GPLD1: variants seen among roughly 807,000 people sequenced by gnomAD.
GPLD1 encodes the protein phosphatidylinositol-glycan-specific phospholipase D.
GPLD1 carries 84 observed loss-of-function variants against 112.6 expected under a neutral mutation model. The ratio of observed to expected loss-of-function variants is 0.75; its 90% CI spans 0.63 to 0.89. GPLD1 has a LOEUF of 0.89. Ranked by LOEUF, GPLD1 falls within the 40% of genes least tolerant of loss-of-function variation. The probability of loss-of-function intolerance (pLI) is 0.00; values close to 1 mark genes in which losing one functional copy is unlikely to be tolerated. For missense variants in GPLD1, 1,044 were observed against 1,051.5 expected (o/e 0.99, Z 0.10); for synonymous variants, 386 against 403.8 (o/e 0.96, Z 0.53).
chr6:24,471,165 G>A (rs9358768), intron 7 of GPLD1, among the ~76,000 whole-genome samples: 33,056 of 152,020 alleles, frequency 0.22, 4,509 homozygotes, highest in Non-Finnish European at 0.31. Context: ...ATATCAGAAA[G>A]CCCAGAAACT....
rs184485630 is a variant in GPLD1, at chr6:24,428,786, T to C, written c.*246A>G. On this transcript the variant is annotated 3_prime_UTR_variant, in exon 25 of 25. Coordinates refer to ENST00000230036, the MANE Select transcript of GPLD1 (RefSeq NM_001503.4). ...ATGCAAAGGGAGCGAGGAAGTAAACTGTGGAAGGAGACATGAGTAAGCAGA... is the reference window on the plus strand; with the variant it reads ...ATGCAAAGGGAGCGAGGAAGTAAACCGTGGAAGGAGACATGAGTAAGCAGA... 123 of 362,568 alleles carry C rather than the reference T, an allele frequency of 3.4e-4. No individual in the cohort carries two copies. The highest frequency in any genetic ancestry group is 5.7e-4 in the Non-Finnish European group (115 of 202,370). 22.5% of individuals were successfully genotyped at this position (362,568 alleles called of 1,614,324 possible). A position where few individuals can be genotyped will look rare whatever the true frequency, so the allele number is the denominator to read the frequency against.
At chr6:24,453,311 T>C (rs1458111539) in intron 14 of GPLD1, among the ~76,000 whole-genome samples, 4 of 152,178 alleles carry the variant, frequency 2.6e-5, no homozygotes, top group Admixed American at 6.5e-5. Context: ...ACATGGGAAC[T>C]CTTTGTACTG....
chr6:24,446,364 G>C (rs1298602115), intron 18 of GPLD1, among the ~76,000 whole-genome samples: 1 of 150,506 alleles, frequency 6.6e-6, no homozygotes, highest in Non-Finnish European at 1.5e-5. Context: ...AAAAAAATTA[G>C]CTAGGCATGG....
At chr6:24,452,116 T>C (rs1305728039) in intron 14 of GPLD1, among the ~76,000 whole-genome samples, 1 of 152,192 alleles carries the variant, frequency 6.6e-6, no homozygotes, top group African/African-American at 2.4e-5. Context: ...TTTGAAATGA[T>C]CAAAGGTCAC....
intron 24 of GPLD1, among the ~76,000 whole-genome samples, chr6:24,432,836 G>A (rs1037866700): frequency 6.6e-6 from 1 of 152,196 alleles, no homozygotes; most frequent in Non-Finnish European, 1.5e-5. Context: ...CACTACAGCT[G>A]TGTGGGCGCT....
At chr6:24,432,694 A>G (rs1488374132) in intron 24 of GPLD1, among the ~76,000 whole-genome samples, 1 of 152,238 alleles carries the variant, frequency 6.6e-6, no homozygotes, top group Non-Finnish European at 1.5e-5. Context: ...CCAGCAAACA[A>G]TTTTGGAGAA....
At chr6:24,489,660 G>A (rs561042898), upstream of GPLD1, 112 of 1,342,364 alleles carry the variant, frequency 8.3e-5, no homozygotes, top group Middle Eastern at 8.0e-4. Context: ...AAATAATATC[G>A]TTTTCCAATG....
intron 13 of GPLD1, among the ~76,000 whole-genome samples, chr6:24,455,515 G>A (rs1763237719): frequency 6.6e-6 from 1 of 152,134 alleles, no homozygotes; most frequent in African/African-American, 2.4e-5. Flanking sequence ...GGTTAGTTTT[G>A]TATGTTGTTG....
At position 24,427,644 on chromosome 6, in the gene GPLD1, G is replaced by A. The variant is rs530109084; in HGVS notation, c.*1388C>T. ...GTGGATCACCTGAGATCAGGAGTTCGAGACCAGCCTGGCCAACATGGTGAA... is the reference window on the plus strand; with the variant it reads ...GTGGATCACCTGAGATCAGGAGTTCAAGACCAGCCTGGCCAACATGGTGAA... On this transcript the variant is annotated 3_prime_UTR_variant, in exon 25 of 25. Coordinates refer to ENST00000230036, the MANE Select transcript of GPLD1 (RefSeq NM_001503.4). 3.9e-5 allele frequency among the ~76,000 whole-genome samples: 6 copies of A among 152,068 alleles called. No individual in the cohort carries two copies. The East Asian group carries it at 5.8e-4, about 15-fold the overall frequency.
chr6:24,466,234 C>T (rs894945987), intron 10 of GPLD1, among the ~76,000 whole-genome samples: 8 of 152,214 alleles, frequency 5.3e-5, no homozygotes, highest in African/African-American at 1.7e-4. Context: ...GTAGTCCCAG[C>T]TGATTGGGAG....
chr6:24,455,125 T>TCCC (rs1352680537), intron 13 of GPLD1, among the ~76,000 whole-genome samples: 56 of 152,328 alleles, frequency 3.7e-4, no homozygotes, highest in African/African-American at 1.3e-3. Context: ...AGAGCAGTTG[T>TCCC]TTAAGGCTGT....
chr6:24,446,774 C>A (rs1413526969), intron 18 of GPLD1, 64 bp downstream of exon 18: 8 of 1,521,500 alleles, frequency 5.3e-6, no homozygotes, highest in South Asian at 3.7e-5. Flanking sequence ...ATGCTCAGTG[C>A]GCTCCATAGC....
In GPLD1 at chr6:24,473,887, G is replaced by A. The variant is rs528112901; in HGVS notation, c.442-220C>T. ...CGCCTGTAATCCCAGCACTTTGGGA[G>A]GTTGAGGCGGGTGGATCACCTGAGG... On this transcript the variant is annotated intron_variant, in intron 5 of 24. Coordinates refer to ENST00000230036, the MANE Select transcript of GPLD1 (RefSeq NM_001503.4). Among the ~76,000 whole-genome samples, 27 of 152,302 alleles carry A rather than the reference G, an allele frequency of 1.8e-4. No individual in the cohort carries two copies. In the East Asian group the frequency reaches 5.0e-3, roughly 28 times the overall value.
intron 22 of GPLD1, among the ~76,000 whole-genome samples, chr6:24,434,549 T>C (rs1412730294): frequency 6.6e-6 from 1 of 152,126 alleles, no homozygotes; most frequent in African/African-American, 2.4e-5. Context: ...TTCCTGGCAG[T>C]GTAACCTTGA....
intron 12 of GPLD1, among the ~76,000 whole-genome samples, chr6:24,459,579 T>C (rs1431926379): frequency 1.3e-5 from 2 of 152,208 alleles, no homozygotes; most frequent in African/African-American, 4.8e-5. Context: ...AATGATGCAC[T>C]TACCGCACCA....
At chr6:24,462,419 G>C (rs963712861) in intron 11 of GPLD1, among the ~76,000 whole-genome samples, 2 of 152,120 alleles carry the variant, frequency 1.3e-5, no homozygotes, top group African/African-American at 4.8e-5. Flanking sequence ...ACACGTATGA[G>C]CCACTGTGCC....
exon 1 of GPLD1, chr6:24,495,136 A>C (rs1439202440): frequency 2.8e-6 from 4 of 1,409,082 alleles, no homozygotes; most frequent in African/African-American, 1.5e-5. Context: ...CTCCGCTGCT[A>C]CGCTGGGCGC....
At chr6:24,446,205 C>CGA (rs1298050768) in intron 18 of GPLD1, among the ~76,000 whole-genome samples, 16 of 152,070 alleles carry the variant, frequency 1.1e-4, no homozygotes, top group Admixed American at 1.0e-3. Context: ...GATTAAGTTA[C>CGA]GATGAGGTCA....
chr6:24,477,868 GGT>G (rs1764073802), intron 3 of GPLD1, among the ~76,000 whole-genome samples: 1 of 152,182 alleles, frequency 6.6e-6, no homozygotes, highest in East Asian at 1.9e-4. Flanking sequence ...AGTTGAATTA[GGT>G]ATGTATGAGA....
Sources: allele counts gnomAD v4.1 joint callset (sites outside exome capture counted in the v4.1 genomes callset), GRCh38; gene constraint gnomAD v4.1.1; transcripts MANE v1.5; gene names NCBI Gene and HGNC (gene_info 2026-07-23, HGNC 2026-07-21).